DAZL: variants seen among roughly 807,000 people sequenced by gnomAD.
The protein encoded by DAZL is deleted in azoospermia-like.
Under a neutral mutation model 45.0 loss-of-function variants are expected in DAZL, and 4 were observed. The observed-to-expected ratio is 0.09, with a 90% CI of 0.04 to 0.20. DAZL has a LOEUF of 0.20. Among genes scored for constraint, DAZL ranks in the 10% least tolerant of loss-of-function variants. The pLI is 1.00. For synonymous variants in DAZL, 122 were observed against 112.4 expected, an observed-to-expected ratio of 1.09 and a Z score of -0.54; for missense variants, 326 against 351.3, an observed-to-expected ratio of 0.93 and a Z score of 0.58.
chr3:16,590,084 A>G (rs1575415269), intron 10 of DAZL, among the ~76,000 whole-genome samples: 1 of 152,064 alleles, frequency 6.6e-6, no homozygotes, highest in Non-Finnish European at 1.5e-5. Context: ...AAAACAAAAA[A>G]CCACAGAAGA....
intron 10 of DAZL, 97 bp from the exon 11 acceptor site, chr3:16,588,810 G>T: frequency 1.1e-6 from 1 of 945,154 alleles, no homozygotes; most frequent in Non-Finnish European, 1.7e-6. Flanking sequence ...TTTGTTTTGG[G>T]TTTAAACATT....
intron 6 of DAZL, among the ~76,000 whole-genome samples, 183 bp from the exon 7 acceptor site, chr3:16,595,568 T>C (rs1694586632): frequency 6.6e-6 from 1 of 152,026 alleles, no homozygotes; most frequent in Admixed American, 6.5e-5. Flanking sequence ...AGTGTTACCC[T>C]TTGGGTGGGG....
chr3:16,593,785 G>T lies in DAZL; in HGVS notation c.622-17C>A, dbSNP rs1260764571. ...TGAATAAGCCTATATTTAAAATAAT[G>T]AAAGTGTAATTAAACAGATATACAG... is the stretch of plus-strand genomic sequence containing the variant. On this transcript the variant is annotated splice_polypyrimidine_tract_variant and intron_variant, in intron 8 of 10. Transcript: ENST00000399444. 5.9e-6 allele frequency: 9 copies of T among 1,514,352 alleles called. No homozygotes were observed. Among genetic ancestry groups the T allele is most frequent in the African/African-American group, 1.4e-5 (1 of 72,742 alleles). 93.8% of individuals were successfully genotyped at this position (1,514,352 alleles called of 1,614,324 possible).
chr3:16,594,675 A>C, intron 7 of DAZL, 92 bp from the exon 8 acceptor site: 1 of 761,674 alleles, frequency 1.3e-6, no homozygotes, highest in South Asian at 2.2e-5. Context: ...AGTACTTATC[A>C]TGCTGGCTCC....
At chr3:16,602,251 G>C (rs1314868796) in intron 1 of DAZL, among the ~76,000 whole-genome samples, 3 of 152,252 alleles carry the variant, frequency 2.0e-5, no homozygotes, top group Admixed American at 2.0e-4. Flanking sequence ...ACAATGCTAT[G>C]CATAAACTCT....
Position 16,600,375 on chromosome 3 carries a change from T to C in DAZL, c.4-1777A>G, listed in dbSNP as rs1280289701. ...GTCAAATCAACTAAAGCTGAGTTTA[T>C]TGCTTTTCTCTATTCGTTTGTGCTT... On this transcript the variant is annotated intron_variant, in intron 1 of 10. Coordinates refer to ENST00000399444, the MANE Select transcript of DAZL (RefSeq NM_001351.4). Among the ~76,000 whole-genome samples, 3 of 152,264 alleles carry C rather than the reference T, an allele frequency of 2.0e-5. No homozygotes were observed. In the South Asian group the frequency reaches 6.2e-4, roughly 31 times the overall value.
intron 10 of DAZL, among the ~76,000 whole-genome samples, chr3:16,589,179 C>T (rs1311821221): frequency 6.6e-6 from 1 of 152,020 alleles, no homozygotes; most frequent in Admixed American, 6.6e-5. Flanking sequence ...CATTTAAAGA[C>T]ATATCATTAA....
intron 1 of DAZL, chr3:16,604,789 G>A (rs1694750207): frequency 7.4e-7 from 1 of 1,356,018 alleles, no homozygotes; most frequent in African/African-American, 1.5e-5. Context: ...GCGCGTGGGA[G>A]TGGGGGAGGG....
intron 6 of DAZL, among the ~76,000 whole-genome samples, chr3:16,595,730 C>A (rs1363368049): frequency 6.8e-6 from 1 of 146,052 alleles, no homozygotes; most frequent in Non-Finnish European, 1.5e-5. Flanking sequence ...TAAATTAATA[C>A]ATTTGCTATT....
intron 1 of DAZL, among the ~76,000 whole-genome samples, chr3:16,601,438 C>A (rs1694687985): frequency 6.6e-6 from 1 of 152,178 alleles, no homozygotes; most frequent in Non-Finnish European, 1.5e-5. Context: ...TCTCAGCCAG[C>A]AGGTGGCGCT....
chr3:16,604,953 G>A (rs2125050356), intron 1 of DAZL, among the ~76,000 whole-genome samples: 1 of 152,346 alleles, frequency 6.6e-6, no homozygotes, highest in South Asian at 2.1e-4. Context: ...TGGCCGGCGA[G>A]GCAGCGCGTC....
chr3:16,603,087 T>C (rs2125049304), intron 1 of DAZL, among the ~76,000 whole-genome samples: 1 of 152,312 alleles, frequency 6.6e-6, no homozygotes, highest in African/African-American at 2.4e-5. Context: ...TACCTTTCAT[T>C]GGAAAGGGTG....
At chr3:16,589,003 CTTAA>C (rs1345761474) in intron 10 of DAZL, among the ~76,000 whole-genome samples, 1 of 152,032 alleles carries the variant, frequency 6.6e-6, no homozygotes, top group Non-Finnish European at 1.5e-5. Flanking sequence ...TTATGTACTT[CTTAA>C]TTAATGATTT....
At chr3:16,591,428 C>T (rs919613294) in intron 10 of DAZL, among the ~76,000 whole-genome samples, 4 of 142,682 alleles carry the variant, frequency 2.8e-5, no homozygotes, top group Admixed American at 1.4e-4. Flanking sequence ...GTCCAATATG[C>T]ATGTATTTTT....
intron 1 of DAZL, among the ~76,000 whole-genome samples, chr3:16,604,978 C>A (rs981367952): frequency 5.3e-5 from 8 of 152,248 alleles, no homozygotes; most frequent in African/African-American, 1.9e-4. Flanking sequence ...GGGCCCACCC[C>A]CACCTTGCCG....
At position 16,588,030 on chromosome 3, in the gene DAZL, G is replaced by A. The variant is rs1372199194; in HGVS notation, c.*630C>T. On this transcript the variant is annotated 3_prime_UTR_variant, in exon 11 of 11. Transcript: ENST00000399444. Reference sequence around the variant, plus strand: ...CCTAATTACTACCCTAATCAAATAGGATATATATGTGTGGATTCTAGCTAA... The same window carrying A: ...CCTAATTACTACCCTAATCAAATAGAATATATATGTGTGGATTCTAGCTAA... 6.4e-6 allele frequency: 1 copy of A among 157,300 alleles called. No homozygotes were observed. The highest frequency in any genetic ancestry group is 1.4e-5 in the Non-Finnish European group (1 of 72,218). 9.7% of individuals were successfully genotyped at this position (157,300 alleles called of 1,614,324 possible).
rs571416322 is a variant in DAZL, at chr3:16,588,369, G to A, written c.*291C>T. 2.9e-6 allele frequency: 1 copy of A among 344,574 alleles called. No individual in the cohort carries two copies. The highest frequency in any genetic ancestry group is 5.5e-6 in the Non-Finnish European group (1 of 180,630). The allele number at this position is 344,574 out of a possible 1,614,324, so 21.3% of individuals were successfully genotyped here. A position where few individuals can be genotyped will look rare whatever the true frequency, so the allele number is the denominator to read the frequency against. ...AACATTTTTTTGAAAATCAGTATTT[G>A]CTTTTAAACACTTAAAATGCCAATT... On this transcript the variant is annotated 3_prime_UTR_variant, in exon 11 of 11. Transcript: ENST00000399444.
At chr3:16,590,127 AC>A (rs1694494881) in intron 10 of DAZL, among the ~76,000 whole-genome samples, 1 of 152,196 alleles carries the variant, frequency 6.6e-6, no homozygotes, top group African/African-American at 2.4e-5. Flanking sequence ...TTTAAGTACT[AC>A]TGTAGACACC....
chr3:16,604,807 CG>C (rs1694750707), intron 1 of DAZL: 1 of 1,164,906 alleles, frequency 8.6e-7, no homozygotes, highest in African/African-American at 1.6e-5. Flanking sequence ...GGGGCGGAGG[CG>C]CGTGAGTGGG....
Sources: allele counts gnomAD v4.1 joint callset (sites outside exome capture counted in the v4.1 genomes callset), GRCh38; gene constraint gnomAD v4.1.1; transcripts MANE v1.5; gene names NCBI Gene and HGNC (gene_info 2026-07-23, HGNC 2026-07-21).